SLC67A1: variants seen among roughly 807,000 people sequenced by gnomAD.
The protein encoded by SLC67A1 is solute carrier family 67 member 1.
At chr11:2,906,902 A>AGG in the SLC67A1 span, among the ~76,000 whole-genome samples, 2 of 149,964 alleles carry the variant, frequency 1.3e-5, no homozygotes, top group East Asian at 3.9e-4. Flanking sequence ...AAAAAAAGAG[A>AGG]AGCTCAGCAT....
the SLC67A1 span, chr11:2,903,253 G>GCAC: frequency 6.5e-7 from 1 of 1,542,606 alleles, no homozygotes; most frequent in Non-Finnish European, 8.7e-7. Context: ...CAGTGACTCA[G>GCAC]CACCCCTGCC....
the SLC67A1 span, chr11:2,902,626 T>C: frequency 1.1e-5 from 11 of 985,350 alleles, no homozygotes; most frequent in African/African-American, 1.4e-4. Flanking sequence ...GTGGCAAAAT[T>C]TGGGGAAGTC....
the SLC67A1 span, chr11:2,915,213 AGT>A: frequency 1.0e-6 from 1 of 985,396 alleles, no homozygotes; most frequent in Non-Finnish European, 1.2e-6. Context: ...TGTCCTAGTC[AGT>A]GTGGCTCCAA....
chr11:2,909,687 C>T, the SLC67A1 span: 3 of 1,542,182 alleles, frequency 1.9e-6, no homozygotes, highest in African/African-American at 1.4e-5. Context: ...CCCTGCTGGG[C>T]GGGACCCTGG....
the SLC67A1 span, chr11:2,924,934 C>T: frequency 1.5e-6 from 2 of 1,373,126 alleles, no homozygotes; most frequent in Non-Finnish European, 2.0e-6. The surrounding 1 kb of genome is among the most constrained non-coding windows in gnomAD (Gnocchi z 8.6). Flanking sequence ...AGATGGGAGG[C>T]CATGGCTGTG....
At chr11:2,905,239 A>T in the SLC67A1 span, among the ~76,000 whole-genome samples, 1 of 152,094 alleles carries the variant, frequency 6.6e-6, no homozygotes, top group African/African-American at 2.4e-5. Flanking sequence ...TGGAGGTCGG[A>T]TGAGCTGGGG....
At chr11:2,908,074 G>A in the SLC67A1 span, among the ~76,000 whole-genome samples, 1 of 152,140 alleles carries the variant, frequency 6.6e-6, no homozygotes, top group Non-Finnish European at 1.5e-5. Context: ...GAGAAGAGGA[G>A]CAGGGTCCCC....
chr11:2,924,792 G>A, the SLC67A1 span, among the ~76,000 whole-genome samples: 10 of 152,114 alleles, frequency 6.6e-5, no homozygotes, highest in African/African-American at 2.4e-4. The surrounding 1 kb of genome is among the most constrained non-coding windows in gnomAD (Gnocchi z 8.6). Context: ...TGCTCCAAAG[G>A]CTGGGCGGGT....
the SLC67A1 span, chr11:2,909,213 G>T: frequency 1.3e-6 from 2 of 1,537,840 alleles, no homozygotes; most frequent in East Asian, 2.4e-5. Context: ...GACCAGCGCG[G>T]GGCGCGGGCG....
chr11:2,914,978 C>A, the SLC67A1 span: 1 of 985,304 alleles, frequency 1.0e-6, no homozygotes, highest in East Asian at 1.1e-4. Flanking sequence ...AAGGAAGGGC[C>A]CATTCGTGCG....
the SLC67A1 span, chr11:2,903,740 T>G: frequency 5.4e-5 from 30 of 556,928 alleles, no homozygotes; most frequent in Non-Finnish European, 8.7e-5. Flanking sequence ...CCCACTTCCC[T>G]CCTGGGGGCA....
chr11:2,921,197 G>A, the SLC67A1 span: 2 of 139,322 alleles, frequency 1.4e-5, no homozygotes, highest in African/African-American at 5.4e-5. Flanking sequence ...CGCCACTGCA[G>A]TCCACGCTGG....
the SLC67A1 span, among the ~76,000 whole-genome samples, chr11:2,914,434 G>A: frequency 2.6e-5 from 4 of 152,128 alleles, no homozygotes; most frequent in Non-Finnish European, 5.9e-5. Context: ...CAGCGTGCTG[G>A]ATTTCCTTCC....
the SLC67A1 span, chr11:2,909,518 A>AC: frequency 1.6e-6 from 1 of 609,920 alleles, no homozygotes; most frequent in Non-Finnish European, 2.1e-6. Flanking sequence ...GGGGCGGGTC[A>AC]GGGGGGGAAG....
the SLC67A1 span, chr11:2,922,168 A>G: frequency 1.2e-6 from 2 of 1,613,648 alleles, no homozygotes; most frequent in South Asian, 1.1e-5. Context: ...GCTCCGGGCC[A>G]GCGTGCTGGT....
At chr11:2,909,021 G>A in the SLC67A1 span, among the ~76,000 whole-genome samples, 5 of 152,218 alleles carry the variant, frequency 3.3e-5, no homozygotes, top group South Asian at 2.1e-4. Flanking sequence ...GGACGCTGGG[G>A]AAACTGAGGC....
At chr11:2,921,947 C>T in the SLC67A1 span, 1 of 677,816 alleles carries the variant, frequency 1.5e-6, no homozygotes, top group Non-Finnish European at 2.7e-6. Context: ...GGGAGAGACC[C>T]CGGGGCTTGC....
chr11:2,909,634 G>C, the SLC67A1 span: 2 of 1,534,472 alleles, frequency 1.3e-6, no homozygotes, highest in South Asian at 2.4e-5. Flanking sequence ...CGCGGCCCTG[G>C]GCCGGCTGGG....
chr11:2,909,137 C>CG, the SLC67A1 span: 7 of 1,417,296 alleles, frequency 4.9e-6, no homozygotes, highest in Non-Finnish European at 6.5e-6. Flanking sequence ...AGCCCCTGGA[C>CG]GGGGGGAAGG....
Sources: gnomAD v4.1 joint callset for allele counts (sites outside exome capture counted in the v4.1 genomes callset) on GRCh38, gnomAD v4.1.1 for gene constraint, Gnocchi (gnomAD v3.1) non-coding constraint, MANE v1.5 for transcripts, NCBI Gene and HGNC (gene_info 2026-07-23, HGNC 2026-07-21) for gene names.